Variants in MAF observed in about 807,000 individuals in gnomAD.
MAF encodes the protein transcription factor Maf.
A neutral mutation model predicts 22.0 loss-of-function variants in MAF; 10 were observed. That is an observed-to-expected ratio of 0.45 (90% CI 0.28 to 0.77). MAF has a LOEUF of 0.77. Among genes scored for constraint, MAF ranks in the 30% least tolerant of loss-of-function variants. The pLI is 0.12. For synonymous variants in MAF, 337 were observed against 255.8 expected, an observed-to-expected ratio of 1.32 and a Z score of -3.03; for missense variants, 544 against 548.4, an observed-to-expected ratio of 0.99 and a Z score of 0.08.
chr16:79,211,389 C>A, the MAF span, among the ~76,000 whole-genome samples: 3 of 152,140 alleles, frequency 2.0e-5, no homozygotes, highest in Non-Finnish European at 4.4e-5. Context: ...AAAGTTACAC[C>A]AGCTTTACAA....
At chr16:79,293,651 G>T in the MAF span, among the ~76,000 whole-genome samples, 1 of 152,202 alleles carries the variant, frequency 6.6e-6, no homozygotes, top group East Asian at 1.9e-4. Context: ...GAACTCAGAT[G>T]ACCACTCTTT....
At chr16:79,442,985 A>T in the MAF span, among the ~76,000 whole-genome samples, 1 of 152,224 alleles carries the variant, frequency 6.6e-6, no homozygotes, top group Admixed American at 6.5e-5. Context: ...GTTAGTGTGT[A>T]TGTCCCTGTC....
chr16:79,470,413 TG>T, the MAF span, among the ~76,000 whole-genome samples: 1 of 152,104 alleles, frequency 6.6e-6, no homozygotes, highest in East Asian at 1.9e-4. Context: ...AACTAGGGCA[TG>T]GCAGAAAGAG....
chr16:79,472,731 C>T, the MAF span, among the ~76,000 whole-genome samples: 2 of 151,656 alleles, frequency 1.3e-5, no homozygotes, highest in Admixed American at 1.3e-4. Flanking sequence ...TATACAAAAG[C>T]CCATTAAATG....
At chr16:79,357,711 T>C in the MAF span, among the ~76,000 whole-genome samples, 1 of 152,078 alleles carries the variant, frequency 6.6e-6, no homozygotes, top group African/African-American at 2.4e-5. Context: ...GGTTACTAGA[T>C]GCTGCCCAGG....
the MAF span, among the ~76,000 whole-genome samples, chr16:79,333,236 C>T: frequency 1.3e-5 from 2 of 152,170 alleles, no homozygotes; most frequent in African/African-American, 4.8e-5. Flanking sequence ...ACTTGGGGCT[C>T]AGCCATGAGT....
chr16:79,323,420 T>G, the MAF span, among the ~76,000 whole-genome samples: 3 of 152,120 alleles, frequency 2.0e-5, no homozygotes, highest in African/African-American at 4.8e-5. Context: ...ATCTCTGTGT[T>G]GTTTCCTATG....
At chr16:79,438,847 T>C in the MAF span, among the ~76,000 whole-genome samples, 6 of 152,320 alleles carry the variant, frequency 3.9e-5, no homozygotes, top group South Asian at 1.0e-3. Flanking sequence ...ACGTATTCCA[T>C]GTGTGCGCTC....
chr16:79,380,921 C>G, the MAF span, among the ~76,000 whole-genome samples: 1 of 152,226 alleles, frequency 6.6e-6, no homozygotes, highest in Non-Finnish European at 1.5e-5. Flanking sequence ...AGCCTTCAGA[C>G]TGGCAATTAT....
chr16:79,351,040 CG>C, the MAF span, among the ~76,000 whole-genome samples: 1 of 152,102 alleles, frequency 6.6e-6, no homozygotes, highest in Admixed American at 6.5e-5. Flanking sequence ...GGCCACTTCC[CG>C]GGGAAGCCTG....
chr16:79,558,005 C>T, the MAF span, among the ~76,000 whole-genome samples: 1 of 151,782 alleles, frequency 6.6e-6, no homozygotes, highest in African/African-American at 2.4e-5. Context: ...GAAAATGGTT[C>T]AGGGGAAGCA....
the MAF span, among the ~76,000 whole-genome samples, chr16:79,524,336 C>T: frequency 1.3e-5 from 2 of 152,192 alleles, no homozygotes; most frequent in African/African-American, 2.4e-5. Flanking sequence ...TTAAGGATAA[C>T]GCCTTCCTCT....
Position 79,600,028 on chromosome 16 carries a change from G to C in MAF, c.-126C>G, listed in dbSNP as rs1913914988. The stretch of plus-strand genomic sequence containing the variant: ...CCGGGCTGGGGCGCTTCTAGCTTGC[G>C]CGGCGGTGGCTGGCCCGAAACCTCC... On this transcript the variant is annotated 5_prime_UTR_variant, in exon 1 of 2. Transcript: ENST00000326043. 1.5e-6 allele frequency: 2 copies of C among 1,369,822 alleles called. No individual in the cohort carries two copies. Among genetic ancestry groups the C allele is most frequent in the Admixed American group, 2.0e-5 (1 of 49,064 alleles). The allele number at this position is 1,369,822 out of a possible 1,614,324, so 84.9% of individuals were successfully genotyped here. A position where few individuals can be genotyped will look rare whatever the true frequency, so the allele number is the denominator to read the frequency against.
the MAF span, among the ~76,000 whole-genome samples, chr16:79,451,734 A>C: frequency 3.3e-5 from 5 of 152,186 alleles, no homozygotes; most frequent in African/African-American, 1.2e-4. Context: ...GGAGGAAATA[A>C]AGCAAAAAGT....
the MAF span, among the ~76,000 whole-genome samples, chr16:79,311,210 T>C: frequency 6.6e-6 from 1 of 151,986 alleles, no homozygotes; most frequent in Non-Finnish European, 1.5e-5. Flanking sequence ...AGAAAGGAAA[T>C]ACGCCTTTGT....
the MAF span, among the ~76,000 whole-genome samples, chr16:79,457,293 C>T: frequency 2.0e-5 from 3 of 152,088 alleles, no homozygotes; most frequent in Admixed American, 2.0e-4. Context: ...AGAATTTGCA[C>T]CATACTTTGA....
chr16:79,256,930 G>A, the MAF span, among the ~76,000 whole-genome samples: 1 of 152,128 alleles, frequency 6.6e-6, no homozygotes, highest in Non-Finnish European at 1.5e-5. Flanking sequence ...TGTAATCCCA[G>A]CACTTTGGGA....
chr16:79,412,205 C>T, the MAF span, among the ~76,000 whole-genome samples: 9 of 152,144 alleles, frequency 5.9e-5, no homozygotes, highest in Non-Finnish European at 1.0e-4. Context: ...GATGAGCTTT[C>T]AGGGAGGCTG....
chr16:79,558,254 G>C, the MAF span, among the ~76,000 whole-genome samples: 1 of 152,048 alleles, frequency 6.6e-6, no homozygotes, highest in Non-Finnish European at 1.5e-5. Flanking sequence ...GCTATGCCAT[G>C]TTGAAAAAGT....
Sources: allele counts gnomAD v4.1 joint callset (sites outside exome capture counted in the v4.1 genomes callset), GRCh38; gene constraint gnomAD v4.1.1; transcripts MANE v1.5; gene names NCBI Gene and HGNC (gene_info 2026-07-23, HGNC 2026-07-21).